ZZZ3: variants seen among roughly 807,000 people sequenced by gnomAD.
ZZZ3 encodes the protein zinc finger ZZ-type containing 3, also known as ZZ-type zinc finger-containing protein 3.
A neutral mutation model predicts 95.2 loss-of-function variants in ZZZ3; 22 were observed. The observed-to-expected ratio is 0.23, with a 90% CI of 0.17 to 0.33. ZZZ3 has a LOEUF of 0.33. Ranked by LOEUF, ZZZ3 falls within the 10% of genes least tolerant of loss-of-function variation. The pLI, the probability that ZZZ3 is intolerant of heterozygous loss-of-function variation, is 1.00. For synonymous variants in ZZZ3, 335 were observed against 358.9 expected (o/e 0.93, Z 0.75); for missense variants, 885 against 1,066.5 (o/e 0.83, Z 2.37).
intron 4 of ZZZ3, among the ~76,000 whole-genome samples, chr1:77,636,934 C>T (rs768590168): frequency 1.3e-5 from 2 of 152,172 alleles, no homozygotes; most frequent in Non-Finnish European, 2.9e-5. Flanking sequence ...TTGTCAAATT[C>T]TGTGCTATTG....
chr1:77,647,122 T>C (rs556172436), intron 1 of ZZZ3, among the ~76,000 whole-genome samples: 4 of 152,234 alleles, frequency 2.6e-5, no homozygotes, highest in Non-Finnish European at 5.9e-5. Context: ...GTGGTATATA[T>C]ACTTCCACCA....
chr1:77,649,935 T>A (rs1381958443), intron 1 of ZZZ3, among the ~76,000 whole-genome samples: 1 of 151,310 alleles, frequency 6.6e-6, no homozygotes, highest in Non-Finnish European at 1.5e-5. Context: ...GCAAAAAATA[T>A]ACCAATATAC....
rs777066570 is a variant in ZZZ3, at chr1:77,632,623, A to G, written c.732T>C (p.Asp244=). Residue 244 remains aspartate (D), a synonymous_variant, in exon 5 of 15, where the codon GAT becomes GAC. Coordinates refer to ENST00000370801, the MANE Select transcript of ZZZ3 (RefSeq NM_015534.6). ...GGAACATTGAAGTTTGGGTATCCGT[A>G]TCCCCATTTTCAGCTACTGATTTTT... ...LQEKSVAENG[D]TDTQTSMFLD... 6.2e-7 allele frequency: 1 copy of G among 1,614,170 alleles called. No individual in the cohort carries two copies. The highest frequency in any genetic ancestry group is 8.5e-7 in the Non-Finnish European group (1 of 1,180,012).
intron 1 of ZZZ3, among the ~76,000 whole-genome samples, chr1:77,649,063 G>C (rs1669561786): frequency 6.6e-6 from 1 of 152,038 alleles, no homozygotes; most frequent in Non-Finnish European, 1.5e-5. Context: ...GGAGGCAGAG[G>C]CTGTAATGAG....
At chr1:77,608,697 C>T (rs1037597057) in intron 5 of ZZZ3, among the ~76,000 whole-genome samples, 1 of 151,992 alleles carries the variant, frequency 6.6e-6, no homozygotes, top group Non-Finnish European at 1.5e-5. Context: ...CTTTTCAAGA[C>T]ATAGCACAAA....
intron 12 of ZZZ3, among the ~76,000 whole-genome samples, chr1:77,575,174 ACT>A (rs1461600974): frequency 1.3e-5 from 2 of 151,960 alleles, no homozygotes; most frequent in East Asian, 1.9e-4. Context: ...ACAGAGCGAG[ACT>A]CTGCCTAAAA....
chr1:77,567,182 A>G (rs183913270), intron 13 of ZZZ3, among the ~76,000 whole-genome samples: 5 of 152,298 alleles, frequency 3.3e-5, no homozygotes, highest in Admixed American at 2.0e-4. Flanking sequence ...TGGTCTCATT[A>G]TTACTTCCTC....
At chr1:77,584,936 A>T (rs1166119956) in intron 5 of ZZZ3, 1 of 212,086 alleles carries the variant, frequency 4.7e-6, no homozygotes, top group Non-Finnish European at 9.2e-6. Flanking sequence ...TTGATCTTCC[A>T]ACAATCAAAG....
chr1:77,567,996 A>C (rs1196777741), intron 13 of ZZZ3, among the ~76,000 whole-genome samples: 1 of 152,206 alleles, frequency 6.6e-6, no homozygotes, highest in African/African-American at 2.4e-5. Flanking sequence ...ACTTTTTCCT[A>C]CATGCTTAGC....
intron 5 of ZZZ3, among the ~76,000 whole-genome samples, chr1:77,621,511 T>TA (rs1479006332): frequency 6.9e-6 from 1 of 144,002 alleles, no homozygotes; most frequent in Non-Finnish European, 1.5e-5. Flanking sequence ...AATTTAAATT[T>TA]AAGTTAAAAA....
chr1:77,607,464 C>A (rs1452597242), intron 5 of ZZZ3, among the ~76,000 whole-genome samples: 1 of 152,034 alleles, frequency 6.6e-6, no homozygotes, highest in African/African-American at 2.4e-5. Context: ...AGAAAGAATT[C>A]AAAACTCTAT....
At chr1:77,664,146 C>T (rs1671060063) in intron 1 of ZZZ3, among the ~76,000 whole-genome samples, 1 of 151,774 alleles carries the variant, frequency 6.6e-6, no homozygotes, top group Non-Finnish European at 1.5e-5. Flanking sequence ...CCAGCTCAGG[C>T]CATCATCATT....
intron 12 of ZZZ3, among the ~76,000 whole-genome samples, chr1:77,575,024 A>C (rs1661784537): frequency 6.6e-6 from 1 of 152,154 alleles, no homozygotes; most frequent in South Asian, 2.1e-4. Flanking sequence ...CCTCTACTGA[A>C]AATACAAAAA....
intron 5 of ZZZ3, among the ~76,000 whole-genome samples, chr1:77,588,543 T>C (rs967238453): frequency 1.3e-5 from 2 of 152,156 alleles, no homozygotes; most frequent in African/African-American, 2.4e-5. Flanking sequence ...AAAAACCTTG[T>C]CTCAGTCAAA....
chr1:77,574,844 C>A (rs1661765936), intron 12 of ZZZ3, among the ~76,000 whole-genome samples: 1 of 152,166 alleles, frequency 6.6e-6, no homozygotes, highest in Non-Finnish European at 1.5e-5. Flanking sequence ...TTTTAAACCT[C>A]ATTGGTCATC....
chr1:77,654,721 G>A (rs1670116534), intron 1 of ZZZ3, among the ~76,000 whole-genome samples: 1 of 152,176 alleles, frequency 6.6e-6, no homozygotes, highest in Admixed American at 6.5e-5. Flanking sequence ...TCCATAGATA[G>A]ATGGATATCT....
chr1:77,590,097 G>C (rs1663526179), intron 5 of ZZZ3, among the ~76,000 whole-genome samples: 1 of 152,174 alleles, frequency 6.6e-6, no homozygotes, highest in Non-Finnish European at 1.5e-5. Context: ...AGAGGGCCAG[G>C]TGCAGTGGCT....
chr1:77,614,825 T>C (rs1361807409), intron 5 of ZZZ3: 3 of 152,178 alleles, frequency 2.0e-5, no homozygotes, highest in Non-Finnish European at 4.4e-5. Context: ...GATGTTAAAA[T>C]CTATTTCTAA....
At chr1:77,616,040 ACACTGAG>A (rs1666278320) in intron 5 of ZZZ3, among the ~76,000 whole-genome samples, 1 of 152,224 alleles carries the variant, frequency 6.6e-6, no homozygotes, top group African/African-American at 2.4e-5. Flanking sequence ...TACACATTAT[ACACTGAG>A]TTATTTTTAT....
Sources: gnomAD v4.1 joint callset for allele counts (sites outside exome capture counted in the v4.1 genomes callset) on GRCh38, gnomAD v4.1.1 for gene constraint, MANE v1.5 for transcripts, NCBI Gene and HGNC (gene_info 2026-07-23, HGNC 2026-07-21) for gene names.